The following GALNT18 variants were observed in gnomAD, a reference collection of about 807,000 sequenced individuals.
GALNT18 encodes the protein polypeptide N-acetylgalactosaminyltransferase 18.
In GALNT18, 44 loss-of-function variants were observed where a neutral mutation model predicts 69.5. The observed-to-expected ratio is 0.63, with a 90% CI of 0.50 to 0.81. The LOEUF (loss-of-function observed/expected upper bound fraction) is 0.81. Among genes scored for constraint, GALNT18 ranks in the 40% least tolerant of loss-of-function variants. GALNT18 has a pLI of 0.00. For synonymous variants in GALNT18, 364 were observed against 318.2 expected, an observed-to-expected ratio of 1.14 and a Z score of -1.53; for missense variants, 715 against 810.0, an observed-to-expected ratio of 0.88 and a Z score of 1.42.
At chr11:11,305,788 G>A (rs937279024) in intron 9 of GALNT18, among the ~76,000 whole-genome samples, 1 of 152,188 alleles carries the variant, frequency 6.6e-6, no homozygotes, top group Admixed American at 6.5e-5. Context: ...CAGACACCAT[G>A]TTTGTCTTAC....
intron 7 of GALNT18, among the ~76,000 whole-genome samples, chr11:11,334,101 T>C (rs1040971240): frequency 1.1e-4 from 17 of 152,158 alleles, no homozygotes; most frequent in African/African-American, 3.4e-4. Flanking sequence ...TGTGAATCCC[T>C]GGTTCAAACA....
rs1031243783 is a variant in GALNT18, at chr11:11,598,805, CAA to C, written c.235+22552_235+22553del. On this transcript the variant is annotated intron_variant, in intron 1 of 10. Coordinates refer to ENST00000227756, the MANE Select transcript of GALNT18 (RefSeq NM_198516.3). This position sits in a 1 kb window ranked among gnomAD's most constrained non-coding sequence, Gnocchi z 4.8. ...GTTGTGTTTTCATTTTCATTCACCTCAAAATAGTGTGCAATTTCCCTTTTCTT... is the reference window on the plus strand; with the variant it reads ...GTTGTGTTTTCATTTTCATTCACCTCAATAGTGTGCAATTTCCCTTTTCTT... Among the ~76,000 whole-genome samples the C allele has an allele frequency of 6.6e-6, 1 of 152,060 alleles. No homozygotes were observed. Among genetic ancestry groups the C allele is most frequent in the African/African-American group, 2.4e-5 (1 of 41,402 alleles).
chr11:11,454,821 G>A lies in GALNT18; in HGVS notation c.236-5885C>T, dbSNP rs1338156901. On this transcript the variant is annotated intron_variant, in intron 1 of 10. Transcript: ENST00000227756. The surrounding 1 kb of genome is among the most constrained non-coding windows in gnomAD (Gnocchi z 4.2). ...CTCCTGAGTCTCCTCAGTCTCCAAGGTGCTCATTACAGAAATCCTCACCAT... is the reference window on the plus strand; with the variant it reads ...CTCCTGAGTCTCCTCAGTCTCCAAGATGCTCATTACAGAAATCCTCACCAT... 1.3e-5 allele frequency among the ~76,000 whole-genome samples: 2 copies of A among 152,128 alleles called. No homozygotes were observed. The highest frequency in any genetic ancestry group is 2.4e-5 in the African/African-American group (1 of 41,406).
At chr11:11,412,865 C>T (rs1854763173) in intron 3 of GALNT18, among the ~76,000 whole-genome samples, 1 of 152,144 alleles carries the variant, frequency 6.6e-6, no homozygotes, top group African/African-American at 2.4e-5. Flanking sequence ...GCTGCTCTGC[C>T]CCAGCATGTG....
At chr11:11,433,973 A>C (rs564383323) in intron 2 of GALNT18, among the ~76,000 whole-genome samples, 1 of 152,214 alleles carries the variant, frequency 6.6e-6, no homozygotes, top group South Asian at 2.1e-4. Flanking sequence ...AACATGCAAT[A>C]ATGAGCATAA....
intron 6 of GALNT18, among the ~76,000 whole-genome samples, chr11:11,369,763 A>G (rs1192472534): frequency 6.6e-6 from 1 of 152,124 alleles, no homozygotes; most frequent in Non-Finnish European, 1.5e-5. Flanking sequence ...GTGCTTGGCC[A>G]TAGTAGCTCC....
intron 1 of GALNT18, among the ~76,000 whole-genome samples, chr11:11,517,826 C>T (rs376826044): frequency 2.0e-5 from 3 of 152,296 alleles, no homozygotes; most frequent in East Asian, 3.9e-4. Context: ...GAAGGCTTGA[C>T]AAACTATTCT....
chr11:11,485,446 A>G (rs1261278427), intron 1 of GALNT18, among the ~76,000 whole-genome samples: 1 of 152,228 alleles, frequency 6.6e-6, no homozygotes, highest in Non-Finnish European at 1.5e-5. Flanking sequence ...ATATAGATAA[A>G]CAGCCAGATG....
In GALNT18 at chr11:11,297,934, A is replaced by G. The variant is rs1317325162; in HGVS notation, c.1513-4741T>C. On this transcript the variant is annotated intron_variant, in intron 9 of 10. Coordinates refer to ENST00000227756, the MANE Select transcript of GALNT18 (RefSeq NM_198516.3). ...AAGGTAAAACAATCAACACATCCGT[A>G]TCCTGGATCTTACGCTAGTGGCATT... 2.0e-5 allele frequency among the ~76,000 whole-genome samples: 3 copies of G among 152,356 alleles called. No individual in the cohort carries two copies. The East Asian group carries it at 5.8e-4, about 29-fold the overall frequency.
chr11:11,385,051 G>C lies in GALNT18; in HGVS notation c.596-5787C>G, dbSNP rs529851554. 9.9e-5 allele frequency among the ~76,000 whole-genome samples: 15 copies of C among 152,282 alleles called. 1 individual carries two copies. The East Asian group carries it at 2.9e-3, about 29-fold the overall frequency. ...GCAGTCGCTTCAGGTGAGGGCCTCA[G>C]GCTGCTTCCACTCATGGTGGAAGGG... is the stretch of plus-strand genomic sequence containing the variant. On this transcript the variant is annotated intron_variant, in intron 3 of 10. Coordinates refer to ENST00000227756, the MANE Select transcript of GALNT18 (RefSeq NM_198516.3).
At chr11:11,574,269 A>G (rs1380238958) in intron 1 of GALNT18, among the ~76,000 whole-genome samples, 2 of 152,152 alleles carry the variant, frequency 1.3e-5, no homozygotes, top group East Asian at 3.9e-4. Context: ...GGCACTGGAG[A>G]AAGTAGATGG....
intron 6 of GALNT18, among the ~76,000 whole-genome samples, chr11:11,371,205 C>T (rs1850896429): frequency 1.3e-5 from 2 of 152,312 alleles, no homozygotes; most frequent in Admixed American, 6.5e-5. Flanking sequence ...TGAGTCGGGC[C>T]CCACACAGTA....
At chr11:11,508,611 A>G (rs1857113727) in intron 1 of GALNT18, among the ~76,000 whole-genome samples, 1 of 152,240 alleles carries the variant, frequency 6.6e-6, no homozygotes, top group Admixed American at 6.5e-5. Flanking sequence ...CAATTATTGT[A>G]ATCCCTCCCT....
chr11:11,517,939 A>C (rs1411328856), intron 1 of GALNT18, among the ~76,000 whole-genome samples: 4 of 152,216 alleles, frequency 2.6e-5, no homozygotes, highest in African/African-American at 9.6e-5. Context: ...ATGAAGCCAT[A>C]ATGGTGCATT....
rs188931502 is a variant in GALNT18 at position 11,559,338 on chromosome 11, G to A, written c.235+62021C>T. 3.6e-4 allele frequency among the ~76,000 whole-genome samples: 55 copies of A among 152,316 alleles called. No homozygotes were observed. The East Asian group carries it at 8.3e-3, about 23-fold the overall frequency. ...AGTGAGCTTGGGGGAAAGGGGAGAAGGGTGCCTAGTCTCTCCATCTACTGT... is the reference window on the plus strand; with the variant it reads ...AGTGAGCTTGGGGGAAAGGGGAGAAAGGTGCCTAGTCTCTCCATCTACTGT... On this transcript the variant is annotated intron_variant, in intron 1 of 10. Transcript: ENST00000227756.
At chr11:11,518,449 T>C (rs942324613) in intron 1 of GALNT18, among the ~76,000 whole-genome samples, 1 of 152,208 alleles carries the variant, frequency 6.6e-6, no homozygotes, top group Non-Finnish European at 1.5e-5. Flanking sequence ...GACCTGGGAT[T>C]TCTAGGGCTT....
chr11:11,422,114 G>C (rs75174771), intron 3 of GALNT18, among the ~76,000 whole-genome samples: 2,458 of 152,332 alleles, frequency 0.016, 58 homozygotes, highest in African/African-American at 0.056. Context: ...CAGGGCCCAG[G>C]CCTGGGGTCA....
intron 3 of GALNT18, among the ~76,000 whole-genome samples, chr11:11,386,939 A>C (rs1854072896): frequency 1.3e-5 from 2 of 152,230 alleles, no homozygotes; most frequent in Non-Finnish European, 2.9e-5. Context: ...AGTCTGATTC[A>C]ATAGATCTGG....
chr11:11,401,846 C>A (rs1403951414), intron 3 of GALNT18, among the ~76,000 whole-genome samples: 3 of 152,304 alleles, frequency 2.0e-5, no homozygotes, highest in African/African-American at 7.2e-5. Flanking sequence ...ACAATAGATC[C>A]ATAAGCTCCG....
Sources: gnomAD v4.1 joint callset for allele counts (sites outside exome capture counted in the v4.1 genomes callset) on GRCh38, gnomAD v4.1.1 for gene constraint, Gnocchi (gnomAD v3.1) non-coding constraint, MANE v1.5 for transcripts, NCBI Gene and HGNC (gene_info 2026-07-23, HGNC 2026-07-21) for gene names.